Variants in REDIC1 observed in about 807,000 individuals in gnomAD.
The protein encoded by REDIC1 is HEI10 Interacting Protein 1.
chr12:39,847,515 T>C, the REDIC1 span, among the ~76,000 whole-genome samples: 20 of 152,266 alleles, frequency 1.3e-4, no homozygotes, highest in South Asian at 4.1e-4. Flanking sequence ...TTTCTGCCTT[T>C]CCTTCTGGCT....
the REDIC1 span, among the ~76,000 whole-genome samples, chr12:39,826,285 T>A: frequency 6.6e-6 from 1 of 151,968 alleles, no homozygotes; most frequent in African/African-American, 2.4e-5. Context: ...CTTATCTAAT[T>A]TTTTCTTTCC....
At chr12:39,684,164 A>G in the REDIC1 span, 1 of 1,024,752 alleles carries the variant, frequency 9.8e-7, no homozygotes, top group Non-Finnish European at 1.2e-6. Flanking sequence ...TTTTACACTC[A>G]TCCATTATGT....
At chr12:39,685,494 G>A in the REDIC1 span, among the ~76,000 whole-genome samples, 2 of 152,066 alleles carry the variant, frequency 1.3e-5, no homozygotes, top group African/African-American at 2.4e-5. Context: ...AACACCAAGA[G>A]GGATGGTGCT....
the REDIC1 span, among the ~76,000 whole-genome samples, chr12:39,703,211 A>G: frequency 1.3e-5 from 2 of 152,060 alleles, no homozygotes. Flanking sequence ...AAATCTCCTT[A>G]AGCTGATAAG....
the REDIC1 span, among the ~76,000 whole-genome samples, chr12:39,689,997 G>A: frequency 6.6e-6 from 1 of 152,196 alleles, no homozygotes; most frequent in Non-Finnish European, 1.5e-5. Context: ...GGGTAGAGCA[G>A]GTATGGGGAC....
the REDIC1 span, chr12:39,682,868 T>C: frequency 3.1e-6 from 5 of 1,612,668 alleles, no homozygotes; most frequent in Admixed American, 1.7e-5. Flanking sequence ...GAGCAAAGGA[T>C]AAAGAAAACA....
At chr12:39,821,327 G>A in the REDIC1 span, among the ~76,000 whole-genome samples, 4 of 151,896 alleles carry the variant, frequency 2.6e-5, no homozygotes, top group East Asian at 1.9e-4. Flanking sequence ...GGAGAATGGC[G>A]TGAACCCGGG....
the REDIC1 span, among the ~76,000 whole-genome samples, chr12:39,708,479 T>C: frequency 3.3e-5 from 5 of 151,818 alleles, no homozygotes; most frequent in African/African-American, 1.2e-4. Context: ...TTTCTGGGTT[T>C]AGACTCTCCA....
chr12:39,872,912 C>T, the REDIC1 span, among the ~76,000 whole-genome samples: 1 of 152,212 alleles, frequency 6.6e-6, no homozygotes, highest in Admixed American at 6.5e-5. Context: ...AGACAGTGGT[C>T]ATCCAAGCAA....
chr12:39,692,829 A>C, the REDIC1 span, among the ~76,000 whole-genome samples: 6 of 152,082 alleles, frequency 3.9e-5, no homozygotes, highest in African/African-American at 1.4e-4. Flanking sequence ...GCTAGTTCAT[A>C]TGATATGCAC....
the REDIC1 span, among the ~76,000 whole-genome samples, chr12:39,641,810 AAGC>A: frequency 2.0e-5 from 3 of 151,702 alleles, no homozygotes; most frequent in African/African-American, 7.2e-5. Flanking sequence ...GATATTATAA[AAGC>A]AGGATAGTGG....
chr12:39,658,562 G>T, the REDIC1 span, among the ~76,000 whole-genome samples: 2 of 152,152 alleles, frequency 1.3e-5, no homozygotes, highest in African/African-American at 4.8e-5. Context: ...ATTCAGACTG[G>T]TATAGTGGCT....
chr12:39,779,436 C>T, the REDIC1 span, among the ~76,000 whole-genome samples: 16 of 152,294 alleles, frequency 1.1e-4, no homozygotes, highest in South Asian at 4.1e-4. Context: ...ATGACCCTCA[C>T]TAGATAGTAA....
At chr12:39,749,600 T>C in the REDIC1 span, among the ~76,000 whole-genome samples, 1 of 152,278 alleles carries the variant, frequency 6.6e-6, no homozygotes, top group African/African-American at 2.4e-5. Flanking sequence ...TACCAAAGCC[T>C]GGCAGAGACA....
the REDIC1 span, among the ~76,000 whole-genome samples, chr12:39,754,818 AT>A: frequency 6.6e-6 from 1 of 152,120 alleles, no homozygotes; most frequent in Non-Finnish European, 1.5e-5. Flanking sequence ...ATTTAGAATA[AT>A]TCTTTAGAAC....
the REDIC1 span, among the ~76,000 whole-genome samples, chr12:39,664,339 C>T: frequency 6.6e-6 from 1 of 150,784 alleles, no homozygotes; most frequent in Non-Finnish European, 1.5e-5. Flanking sequence ...GGTTTATTGT[C>T]CTTGCGCTAG....
chr12:39,902,793 T>C, the REDIC1 span, among the ~76,000 whole-genome samples: 1 of 152,256 alleles, frequency 6.6e-6, no homozygotes, highest in Admixed American at 6.5e-5. Flanking sequence ...TTATATAGTT[T>C]TAGTTATCTA....
chr12:39,654,313 C>T, the REDIC1 span, among the ~76,000 whole-genome samples: 3 of 151,856 alleles, frequency 2.0e-5, no homozygotes, highest in Admixed American at 1.3e-4. Flanking sequence ...GTAGGCCGGG[C>T]GTGGTGGCTC....
chr12:39,672,048 G>T, the REDIC1 span, among the ~76,000 whole-genome samples: 9 of 152,218 alleles, frequency 5.9e-5, no homozygotes, highest in East Asian at 1.7e-3. Flanking sequence ...GGTGGGGCAG[G>T]ACAAGCGCCA....
Sources: gnomAD v4.1 joint callset for allele counts (sites outside exome capture counted in the v4.1 genomes callset) on GRCh38, gnomAD v4.1.1 for gene constraint, MANE v1.5 for transcripts, NCBI Gene and HGNC (gene_info 2026-07-23, HGNC 2026-07-21) for gene names.